The following SRGAP1 variants were observed in gnomAD, a reference collection of about 807,000 sequenced individuals.
SRGAP1 encodes SLIT-ROBO Rho GTPase-activating protein 1.
A neutral mutation model predicts 121.9 loss-of-function variants in SRGAP1; 43 were observed. That is an observed-to-expected ratio of 0.35 (90% CI 0.28 to 0.46). The LOEUF is 0.46. Ranked by LOEUF, SRGAP1 falls within the 20% of genes least tolerant of loss-of-function variation. SRGAP1 has a pLI of 1.00. For synonymous variants in SRGAP1, 447 were observed against 485.4 expected (o/e 0.92, Z 1.04); for missense variants, 1,102 against 1,350.9 (o/e 0.82, Z 2.89).
At chr12:64,019,706 G>A (rs1024779641) in intron 4 of SRGAP1, among the ~76,000 whole-genome samples, 1 of 152,120 alleles carries the variant, frequency 6.6e-6, no homozygotes, top group African/African-American at 2.4e-5. Flanking sequence ...GTTTATATTA[G>A]GAAAGAGGCA....
intron 21 of SRGAP1, among the ~76,000 whole-genome samples, chr12:64,139,658 T>A (rs1373849469): frequency 6.6e-6 from 1 of 151,894 alleles, no homozygotes; most frequent in Non-Finnish European, 1.5e-5. Flanking sequence ...GTCCGATGAG[T>A]AGGTTGCGAA....
intron 1 of SRGAP1, among the ~76,000 whole-genome samples, chr12:63,979,005 T>C (rs1015147502): frequency 6.6e-6 from 1 of 151,654 alleles, no homozygotes; most frequent in Non-Finnish European, 1.5e-5. Context: ...TTGTATATCA[T>C]CTTGGGAGAA....
intron 18 of SRGAP1, among the ~76,000 whole-genome samples, chr12:64,118,977 GATAACAGGCATGAGCCACTGC>G (rs2036564314): frequency 6.6e-6 from 1 of 152,158 alleles, no homozygotes; most frequent in African/African-American, 2.4e-5. Context: ...AAAGTGATGG[GATAACAGGCATGAGCCACTGC>G]ATCCAGCCCC....
chr12:64,017,876 A>C (rs778843099), intron 4 of SRGAP1, among the ~76,000 whole-genome samples: 1 of 152,118 alleles, frequency 6.6e-6, no homozygotes, highest in Non-Finnish European at 1.5e-5. Flanking sequence ...AATAAATTAA[A>C]ACTACTTTAT....
chr12:64,043,009 T>C (rs753346919), intron 5 of SRGAP1, 37 bp downstream of exon 5: 2 of 1,456,542 alleles, frequency 1.4e-6, no homozygotes, highest in African/African-American at 1.4e-5. Context: ...CTGCCTTCAT[T>C]TGAGGAGACA....
At chr12:64,060,292 C>G (rs1353986178) in intron 6 of SRGAP1, among the ~76,000 whole-genome samples, 2 of 150,588 alleles carry the variant, frequency 1.3e-5, no homozygotes, top group Non-Finnish European at 2.9e-5. Context: ...ACTGCAGCCT[C>G]TACCTCCCGG....
intron 1 of SRGAP1, among the ~76,000 whole-genome samples, chr12:63,961,336 G>C (rs897286773): frequency 6.6e-6 from 1 of 152,070 alleles, no homozygotes; most frequent in African/African-American, 2.4e-5. Flanking sequence ...CCCTAATATT[G>C]GCTAGCATCT....
At chr12:64,132,562 A>C (rs2036801833) in intron 21 of SRGAP1, among the ~76,000 whole-genome samples, 1 of 152,228 alleles carries the variant, frequency 6.6e-6, no homozygotes. Context: ...CTTATCCTTC[A>C]TCTTAGAAGG....
At chr12:63,856,265 T>C (rs1247022415) in intron 1 of SRGAP1, among the ~76,000 whole-genome samples, 1 of 87,204 alleles carries the variant, frequency 1.1e-5, no homozygotes, top group Non-Finnish European at 2.0e-5. Flanking sequence ...AATAAATAAA[T>C]AAATAAATAA....
chr12:63,984,250 A>G, intron 2 of SRGAP1, 108 bp downstream of exon 2: 2 of 504,566 alleles, frequency 4.0e-6, no homozygotes, highest in Middle Eastern at 5.3e-4. Flanking sequence ...GTGGTTGTAG[A>G]GCATATTCTC....
chr12:63,974,089 C>T (rs1048212123), intron 1 of SRGAP1, among the ~76,000 whole-genome samples: 1 of 152,012 alleles, frequency 6.6e-6, no homozygotes, highest in South Asian at 2.1e-4. Flanking sequence ...TTAATGAAAC[C>T]CTGCCTCCTG....
intron 21 of SRGAP1, among the ~76,000 whole-genome samples, chr12:64,130,403 G>T (rs1049618122): frequency 2.0e-5 from 3 of 152,166 alleles, no homozygotes; most frequent in Non-Finnish European, 4.4e-5. Context: ...GGAACAGGAA[G>T]TAAAAATGTT....
intron 18 of SRGAP1, among the ~76,000 whole-genome samples, chr12:64,117,526 A>G (rs747443195): frequency 2.6e-5 from 4 of 152,286 alleles, no homozygotes; most frequent in Admixed American, 6.5e-5. Context: ...AAATTTATCA[A>G]TCTTTTCCTT....
At chr12:63,853,943 T>A (rs1484775251) in intron 1 of SRGAP1, among the ~76,000 whole-genome samples, 1 of 152,234 alleles carries the variant, frequency 6.6e-6, no homozygotes, top group Non-Finnish European at 1.5e-5. Flanking sequence ...TACAACTCAT[T>A]TATATACTTT....
chr12:64,051,352 C>T (rs1000272911), intron 6 of SRGAP1, among the ~76,000 whole-genome samples: 1 of 152,152 alleles, frequency 6.6e-6, no homozygotes, highest in Non-Finnish European at 1.5e-5. Flanking sequence ...TTACAACAGA[C>T]TATGGATATT....
intron 1 of SRGAP1, among the ~76,000 whole-genome samples, chr12:63,942,334 A>G (rs114458883): frequency 0.011 from 1,685 of 152,370 alleles, 33 homozygotes; most frequent in African/African-American, 0.038. Context: ...TAAATTAGCC[A>G]TATACATTTA....
chr12:63,907,976 T>A (rs547784974), intron 1 of SRGAP1, among the ~76,000 whole-genome samples: 4 of 152,310 alleles, frequency 2.6e-5, no homozygotes, highest in Non-Finnish European at 5.9e-5. Context: ...TTTCATTGAA[T>A]TATCGTGCTA....
intron 1 of SRGAP1, among the ~76,000 whole-genome samples, chr12:63,866,812 A>G (rs1481277209): frequency 6.6e-6 from 1 of 151,970 alleles, no homozygotes; most frequent in African/African-American, 2.4e-5. Flanking sequence ...CTGGTCAGCA[A>G]TGCATTTGTT....
At chr12:63,868,887 A>G (rs1182751061) in intron 1 of SRGAP1, among the ~76,000 whole-genome samples, 1 of 152,154 alleles carries the variant, frequency 6.6e-6, no homozygotes, top group Non-Finnish European at 1.5e-5. Flanking sequence ...AGAAAAGTGA[A>G]TTGCTATGAT....
Sources: allele counts gnomAD v4.1 joint callset (sites outside exome capture counted in the v4.1 genomes callset), GRCh38; gene constraint gnomAD v4.1.1; transcripts MANE v1.5; gene names NCBI Gene and HGNC (gene_info 2026-07-23, HGNC 2026-07-21).